The following EXT1 variants were observed in gnomAD, a reference collection of about 807,000 sequenced individuals.
EXT1 encodes exostosin-1.
EXT1 carries 20 observed loss-of-function variants against 82.5 expected under a neutral mutation model. That is an observed-to-expected ratio of 0.24 (90% CI 0.17 to 0.35). The LOEUF (loss-of-function observed/expected upper bound fraction) is 0.35, where lower values mean the gene tolerates loss of function less well. Among genes scored for constraint, EXT1 ranks in the 10% least tolerant of loss-of-function variants. The pLI is 1.00. For synonymous variants in EXT1, 348 were observed against 350.8 expected (o/e 0.99, Z 0.09); for missense variants, 757 against 936.5 (o/e 0.81, Z 2.50).
At position 118,062,192 on chromosome 8, in the gene EXT1, G is replaced by A. The variant is rs369987162; in HGVS notation, c.962+47893C>T. 1.8e-4 allele frequency among the ~76,000 whole-genome samples: 28 copies of A among 152,128 alleles called. 1 individual carries two copies. Among genetic ancestry groups the A allele is most frequent in the African/African-American group, 6.5e-4 (27 of 41,422 alleles). ...TTCTGCCTCTCAGCAGTCCTTCCCC[G>A]TTGACACAAACTCCATGAAACAATC... is the stretch of plus-strand genomic sequence containing the variant. On this transcript the variant is annotated intron_variant, in intron 1 of 10. Transcript: ENST00000378204.
intron 1 of EXT1, among the ~76,000 whole-genome samples, chr8:118,076,881 T>C (rs1718391752): frequency 6.6e-6 from 1 of 151,742 alleles, no homozygotes; most frequent in Admixed American, 6.6e-5. Context: ...CAAATAAAAA[T>C]AGAGTAATAA....
At chr8:118,095,541 T>A (rs17506322) in intron 1 of EXT1, among the ~76,000 whole-genome samples, 2,168 of 152,284 alleles carry the variant, frequency 0.014, 53 homozygotes, top group African/African-American at 0.049. Flanking sequence ...AGGTGTGAAT[T>A]TTAAAGACAC....
At chr8:117,967,209 A>T in intron 1 of EXT1, among the ~76,000 whole-genome samples, 1 of 152,208 alleles carries the variant, frequency 6.6e-6, no homozygotes, top group Non-Finnish European at 1.5e-5. Context: ...AGCTCATTAT[A>T]ATTTTGTGCC....
At chr8:117,941,182 G>A (rs1814265537) in intron 1 of EXT1, among the ~76,000 whole-genome samples, 1 of 152,210 alleles carries the variant, frequency 6.6e-6, no homozygotes, top group Non-Finnish European at 1.5e-5. Flanking sequence ...GCAAGTGGGG[G>A]AGCAGCAACC....
At chr8:117,931,145 C>T (rs188042043) in intron 1 of EXT1, among the ~76,000 whole-genome samples, 2 of 152,280 alleles carry the variant, frequency 1.3e-5, no homozygotes, top group African/African-American at 4.8e-5. Flanking sequence ...ATCAACAGTC[C>T]TCGGGGCTGC....
At chr8:117,958,114 T>C (rs1159356521) in intron 1 of EXT1, among the ~76,000 whole-genome samples, 1 of 111,346 alleles carries the variant, frequency 9.0e-6, no homozygotes, top group Non-Finnish European at 2.2e-5. Context: ...TGTTACCAAG[T>C]CTTTTTTTTT....
chr8:117,978,729 C>T (rs1371581486), intron 1 of EXT1, among the ~76,000 whole-genome samples: 2 of 152,166 alleles, frequency 1.3e-5, no homozygotes, highest in South Asian at 2.1e-4. Context: ...GTGATTATCA[C>T]CAGAACATAG....
chr8:118,070,266 G>A (rs1168633052), intron 1 of EXT1, among the ~76,000 whole-genome samples: 1 of 141,680 alleles, frequency 7.1e-6, no homozygotes, highest in Admixed American at 6.8e-5. Context: ...GTGTGTGTGT[G>A]TGTGTGTGTG....
intron 1 of EXT1, among the ~76,000 whole-genome samples, chr8:118,050,003 T>C (rs1425491281): frequency 2.6e-5 from 4 of 152,178 alleles, no homozygotes; most frequent in Non-Finnish European, 4.4e-5. Context: ...GCCTGGTGTG[T>C]CCTTCTTTTA....
intron 1 of EXT1, among the ~76,000 whole-genome samples, chr8:117,989,901 G>C (rs1815398482): frequency 6.6e-6 from 1 of 152,228 alleles, no homozygotes; most frequent in Non-Finnish European, 1.5e-5. Flanking sequence ...TGATCCCTTA[G>C]AACCCAGACT....
intron 1 of EXT1, among the ~76,000 whole-genome samples, chr8:117,984,461 AC>A (rs1815274094): frequency 2.6e-5 from 4 of 151,150 alleles, no homozygotes; most frequent in Admixed American, 6.6e-5. Flanking sequence ...AAAAAAAAAA[AC>A]AAAGAAAAGA....
At chr8:117,827,789 A>AAAAAAAAAAC (rs1812031888) in intron 4 of EXT1, among the ~76,000 whole-genome samples, 1 of 140,706 alleles carries the variant, frequency 7.1e-6, no homozygotes, top group Non-Finnish European at 1.5e-5. Flanking sequence ...TGTCTCAAAA[A>AAAAAAAAAAC]AAAAAAAAAA....
At chr8:117,958,335 C>T (rs1321939870) in intron 1 of EXT1, among the ~76,000 whole-genome samples, 1 of 152,146 alleles carries the variant, frequency 6.6e-6, no homozygotes, top group African/African-American at 2.4e-5. Flanking sequence ...ATCTATAGAG[C>T]TACATCATCA....
intron 1 of EXT1, among the ~76,000 whole-genome samples, chr8:117,978,626 C>G (rs1815117886): frequency 6.6e-6 from 1 of 152,146 alleles, no homozygotes; most frequent in Non-Finnish European, 1.5e-5. Context: ...ACTAAAAATT[C>G]CCAGGAAAGC....
chr8:118,096,143 G>A (rs1817606730), intron 1 of EXT1, among the ~76,000 whole-genome samples: 3 of 152,182 alleles, frequency 2.0e-5, no homozygotes, highest in South Asian at 2.1e-4. Flanking sequence ...AATCTTTTGG[G>A]AGAAAAACTA....
chr8:117,940,679 T>C (rs1203159633), intron 1 of EXT1, among the ~76,000 whole-genome samples: 1 of 152,116 alleles, frequency 6.6e-6, no homozygotes, highest in Non-Finnish European at 1.5e-5. Flanking sequence ...ATAAGAAGAC[T>C]CGGGAGATGG....
chr8:117,809,222 T>TATATATATATATATATATATAC (rs1823281872), intron 8 of EXT1, among the ~76,000 whole-genome samples: 2 of 128,862 alleles, frequency 1.6e-5, no homozygotes, highest in African/African-American at 5.5e-5. Flanking sequence ...TGTATAAATA[T>TATATATATATATATATATATAC]ATATATATAT....
chr8:117,922,491 G>A (rs1007947244), intron 1 of EXT1, among the ~76,000 whole-genome samples: 2 of 152,120 alleles, frequency 1.3e-5, no homozygotes, highest in African/African-American at 2.4e-5. Context: ...AGAAGTTTCC[G>A]TGAACATGAA....
In EXT1 at chr8:117,985,136, C is replaced by T. The variant is rs1815291380; in HGVS notation, c.962+124949G>A. Among the ~76,000 whole-genome samples, 5 of 152,096 alleles carry T rather than the reference C, an allele frequency of 3.3e-5. No individual in the cohort carries two copies. In the South Asian group the frequency reaches 1.0e-3, roughly 32 times the overall value. ...TCTTTGAAACTTTTGAACACCGAAC[C>T]GCTAACAAAGGAAGTAATAAAAAGA... On this transcript the variant is annotated intron_variant, in intron 1 of 10. Coordinates refer to ENST00000378204, the MANE Select transcript of EXT1 (RefSeq NM_000127.3).
Sources: gnomAD v4.1 joint callset for allele counts (sites outside exome capture counted in the v4.1 genomes callset) on GRCh38, gnomAD v4.1.1 for gene constraint, MANE v1.5 for transcripts, NCBI Gene and HGNC (gene_info 2026-07-23, HGNC 2026-07-21) for gene names.